FGD4: variants seen among roughly 807,000 people sequenced by gnomAD.
The protein encoded by FGD4 is FYVE, RhoGEF and PH domain-containing protein 4.
Under a neutral mutation model 102.0 loss-of-function variants are expected in FGD4, and 42 were observed. The ratio of observed to expected loss-of-function variants is 0.41; its 90% confidence interval spans 0.32 to 0.53. The LOEUF is 0.53. Ranked by LOEUF, FGD4 falls within the 20% of genes least tolerant of loss-of-function variation. FGD4 has a pLI of 0.21. For synonymous variants in FGD4, 380 were observed against 375.7 expected (o/e 1.01, Z -0.13); for missense variants, 902 against 1,078.2 (o/e 0.84, Z 2.29).
At chr12:32,510,220 C>G (rs1939216449) in intron 1 of FGD4, among the ~76,000 whole-genome samples, 1 of 152,168 alleles carries the variant, frequency 6.6e-6, no homozygotes, top group South Asian at 2.1e-4. Context: ...AAGTGGGAAG[C>G]TAGTAACGTT....
At chr12:32,630,703 A>C (rs111870839) in intron 14 of FGD4, among the ~76,000 whole-genome samples, 80,958 of 151,598 alleles carry the variant, frequency 0.53, 23,137 homozygotes, top group African/African-American at 0.73. Context: ...GTAATCCCAG[A>C]TACTCGGGAG....
intron 7 of FGD4, among the ~76,000 whole-genome samples, chr12:32,603,628 G>T (rs1948575149): frequency 6.6e-6 from 1 of 151,890 alleles, no homozygotes; most frequent in Admixed American, 6.6e-5. Context: ...CTTATGATCT[G>T]CCTGCCTCGG....
chr12:32,599,977 C>T lies in FGD4; in HGVS notation c.1102-1301C>T, dbSNP rs147456231. On this transcript the variant is annotated intron_variant, in intron 5 of 16. Coordinates refer to ENST00000534526, the MANE Select transcript of FGD4 (RefSeq NM_001370298.3). ...CTTATAAGAATTGTCCCACTTCTGC[C>T]ATTGGAAACTGGAATTTCATGGAAA... Among the ~76,000 whole-genome samples the T allele has an allele frequency of 1.1e-4, 16 of 152,286 alleles. No homozygotes were observed. In the East Asian group the frequency reaches 3.1e-3, roughly 29 times the overall value.
chr12:32,446,910 G>A (rs1333572877), intron 1 of FGD4, among the ~76,000 whole-genome samples: 4 of 152,190 alleles, frequency 2.6e-5, no homozygotes, highest in Non-Finnish European at 5.9e-5. Flanking sequence ...GCAATGAGGG[G>A]CATGCATCCT....
chr12:32,590,265 G>A (rs1413325517), intron 4 of FGD4, among the ~76,000 whole-genome samples: 3 of 148,060 alleles, frequency 2.0e-5, no homozygotes, highest in African/African-American at 2.5e-5. Flanking sequence ...AGCCGAGATC[G>A]CGCCATCGCA....
At chr12:32,534,960 A>G (rs1005095809) in intron 1 of FGD4, among the ~76,000 whole-genome samples, 1 of 152,216 alleles carries the variant, frequency 6.6e-6, no homozygotes, top group African/African-American at 2.4e-5. Flanking sequence ...GGTGAAGTTC[A>G]GGGGAGTAAG....
intron 13 of FGD4, 99 bp downstream of exon 13, chr12:32,625,167 A>C: frequency 1.0e-6 from 1 of 998,126 alleles, no homozygotes; most frequent in Non-Finnish European, 1.6e-6. Context: ...TCCCTTTACA[A>C]TGTCAGAACT....
At chr12:32,518,825 A>C (rs1207652224) in intron 1 of FGD4, among the ~76,000 whole-genome samples, 1 of 151,974 alleles carries the variant, frequency 6.6e-6, no homozygotes, top group African/African-American at 2.4e-5. Flanking sequence ...AAAGAAAAAA[A>C]AAACAAGGGC....
At position 32,506,387 on chromosome 12, in the gene FGD4, C is replaced by G. The variant is rs1938738103; in HGVS notation, c.167-57750C>G. 6.6e-6 allele frequency among the ~76,000 whole-genome samples: 1 copy of G among 152,142 alleles called. No individual in the cohort carries two copies. Among genetic ancestry groups the G allele is most frequent in the Admixed American group, 6.6e-5 (1 of 15,264 alleles). Reference sequence around the variant, plus strand: ...CAGGCATTCTCCCTTCTAGCCCTATCTATATGTGAAGTAAAATGATCAGAG... The same window carrying G: ...CAGGCATTCTCCCTTCTAGCCCTATGTATATGTGAAGTAAAATGATCAGAG... On this transcript the variant is annotated intron_variant, in intron 1 of 16. Coordinates refer to ENST00000534526, the MANE Select transcript of FGD4 (RefSeq NM_001370298.3). This position sits in a 1 kb window ranked among gnomAD's most constrained non-coding sequence, Gnocchi z 4.5.
At chr12:32,484,261 A>T (rs977255562) in intron 1 of FGD4, among the ~76,000 whole-genome samples, 8 of 152,164 alleles carry the variant, frequency 5.3e-5, no homozygotes, top group Non-Finnish European at 2.9e-5. Flanking sequence ...AGTTTTCTTC[A>T]TGCTTCCACT....
intron 1 of FGD4, among the ~76,000 whole-genome samples, chr12:32,431,281 T>C (rs1327315612): frequency 3.3e-5 from 5 of 152,200 alleles, no homozygotes; most frequent in African/African-American, 1.2e-4. Flanking sequence ...GGGAAAATTA[T>C]ATTGGCGGCA....
At chr12:32,471,082 C>T (rs934048243) in intron 1 of FGD4, among the ~76,000 whole-genome samples, 3 of 152,192 alleles carry the variant, frequency 2.0e-5, no homozygotes, top group African/African-American at 4.8e-5. Context: ...CCTTGGACAT[C>T]GGAACCCCAG....
At chr12:32,475,867 G>T (rs945391204) in intron 1 of FGD4, among the ~76,000 whole-genome samples, 100 of 152,184 alleles carry the variant, frequency 6.6e-4, no homozygotes, top group African/African-American at 2.4e-3. Flanking sequence ...TTACTGAAAA[G>T]AGGAATTGTT....
intron 5 of FGD4, among the ~76,000 whole-genome samples, chr12:32,601,054 G>A (rs1309528172): frequency 6.6e-6 from 1 of 152,134 alleles, no homozygotes; most frequent in Non-Finnish European, 1.5e-5. Context: ...TATTCCTATG[G>A]ATAGGAGCAT....
At chr12:32,603,000 G>A (rs1948524682) in intron 7 of FGD4, among the ~76,000 whole-genome samples, 1 of 152,022 alleles carries the variant, frequency 6.6e-6, no homozygotes, top group African/African-American at 2.4e-5. Flanking sequence ...ATTATAGTAT[G>A]CATCTTAATT....
chr12:32,518,348 C>A (rs1330120525), intron 1 of FGD4, among the ~76,000 whole-genome samples: 1 of 152,188 alleles, frequency 6.6e-6, no homozygotes, highest in Non-Finnish European at 1.5e-5. Flanking sequence ...ACTGGTGGCA[C>A]ATGCCGGTAA....
At chr12:32,529,743 T>C (rs1291261616) in intron 1 of FGD4, among the ~76,000 whole-genome samples, 3 of 150,942 alleles carry the variant, frequency 2.0e-5, no homozygotes, top group Non-Finnish European at 2.9e-5. Flanking sequence ...CTCAGGAGGC[T>C]GAGGCAGGAG....
intron 1 of FGD4, among the ~76,000 whole-genome samples, chr12:32,495,128 GT>G (rs1416970456): frequency 6.6e-6 from 1 of 152,054 alleles, no homozygotes; most frequent in African/African-American, 2.4e-5. Context: ...ATTCAAAGAG[GT>G]TTCACCTGCA....
chr12:32,578,471 T>C (rs549042589), intron 3 of FGD4, among the ~76,000 whole-genome samples: 19 of 152,092 alleles, frequency 1.2e-4, no homozygotes, highest in Admixed American at 3.3e-4. Flanking sequence ...CACAGGAAAT[T>C]GATAGGAAGA....
Sources: gnomAD v4.1 joint callset for allele counts (sites outside exome capture counted in the v4.1 genomes callset) on GRCh38, gnomAD v4.1.1 for gene constraint, Gnocchi (gnomAD v3.1) non-coding constraint, MANE v1.5 for transcripts, NCBI Gene and HGNC (gene_info 2026-07-23, HGNC 2026-07-21) for gene names.